The following ADK variants were observed in gnomAD, a reference collection of about 807,000 sequenced individuals.
The protein encoded by ADK is N6,N6-dimethyladenosine kinase.
ADK carries 24 observed loss-of-function variants against 44.7 expected under a neutral mutation model. That is an observed-to-expected ratio of 0.54 (90% CI 0.39 to 0.76). ADK has a LOEUF of 0.76. Among genes scored for constraint, ADK ranks in the 30% least tolerant of loss-of-function variants. ADK has a pLI of 0.00. For synonymous variants in ADK, 128 were observed against 142.6 expected (o/e 0.90, Z 0.73); for missense variants, 321 against 425.1 (o/e 0.76, Z 2.15).
At chr10:74,658,659 G>A (rs1854583522) in intron 9 of ADK, among the ~76,000 whole-genome samples, 1 of 151,910 alleles carries the variant, frequency 6.6e-6, no homozygotes, top group South Asian at 2.1e-4. Context: ...AAACTCCTGG[G>A]CTCAAGCGAT....
At chr10:74,431,317 T>G (rs1345518474) in intron 6 of ADK, among the ~76,000 whole-genome samples, 2 of 152,138 alleles carry the variant, frequency 1.3e-5, no homozygotes, top group Admixed American at 1.3e-4. Flanking sequence ...TAGTAGGAAA[T>G]GTAGTTATCA....
At chr10:74,289,490 A>G (rs949207039) in intron 3 of ADK, among the ~76,000 whole-genome samples, 2 of 152,144 alleles carry the variant, frequency 1.3e-5, no homozygotes, top group Non-Finnish European at 2.9e-5. Context: ...AAGAAAGCTA[A>G]AACACTTAAA....
chr10:74,158,528 A>G (rs1841814863), intron 1 of ADK, among the ~76,000 whole-genome samples: 1 of 152,322 alleles, frequency 6.6e-6, no homozygotes, highest in Admixed American at 6.5e-5. Context: ...ACACAAATGT[A>G]TATGCTTTGC....
chr10:74,242,687 G>A (rs1446665089), intron 3 of ADK, among the ~76,000 whole-genome samples: 1 of 152,138 alleles, frequency 6.6e-6, no homozygotes, highest in Non-Finnish European at 1.5e-5. Flanking sequence ...GTCCTGATTG[G>A]TTCTTTCTGA....
chr10:74,631,335 C>T (rs566260842), intron 9 of ADK, among the ~76,000 whole-genome samples: 173 of 150,470 alleles, frequency 1.1e-3, no homozygotes, highest in Middle Eastern at 3.5e-3. Flanking sequence ...AGTGCAATGG[C>T]GCAACCTCAG....
chr10:74,707,254 T>C (rs111654980), intron 10 of ADK, among the ~76,000 whole-genome samples: 3,707 of 152,232 alleles, frequency 0.024, 153 homozygotes, highest in African/African-American at 0.084. Flanking sequence ...CATGCTGGTC[T>C]CAAACTCCTG....
intron 10 of ADK, among the ~76,000 whole-genome samples, chr10:74,671,516 A>G (rs1389915995): frequency 6.6e-6 from 1 of 152,138 alleles, no homozygotes; most frequent in Non-Finnish European, 1.5e-5. Context: ...CACTGTTATG[A>G]TTGTGTTTTT....
intron 9 of ADK, among the ~76,000 whole-genome samples, chr10:74,602,337 T>C (rs1456478680): frequency 6.6e-6 from 1 of 152,122 alleles, no homozygotes; most frequent in African/African-American, 2.4e-5. Context: ...CAGTGGACAG[T>C]TTAGAAAAGT....
intron 4 of ADK, among the ~76,000 whole-genome samples, chr10:74,387,110 C>T (rs1843170937): frequency 6.6e-6 from 1 of 152,048 alleles, no homozygotes; most frequent in African/African-American, 2.4e-5. Flanking sequence ...GTAATTATTG[C>T]ATTTTTAGTA....
At chr10:74,290,229 G>A (rs1847358376) in intron 3 of ADK, among the ~76,000 whole-genome samples, 1 of 151,920 alleles carries the variant, frequency 6.6e-6, no homozygotes, top group Admixed American at 6.6e-5. Context: ...TTGTCAGCCT[G>A]CTTCTTTATA....
intron 6 of ADK, 96 bp from the exon 7 acceptor site, chr10:74,525,160 A>G (rs1848987749): frequency 2.5e-6 from 3 of 1,211,902 alleles, no homozygotes; most frequent in Middle Eastern, 2.0e-4. Context: ...ATTGTATTTT[A>G]TATACTTTTG....
chr10:74,497,730 C>T (rs1324983519), intron 6 of ADK, among the ~76,000 whole-genome samples: 1 of 152,134 alleles, frequency 6.6e-6, no homozygotes, highest in Admixed American at 6.5e-5. Context: ...GCTTGGGAGG[C>T]AGAGACAGGA....
In ADK at chr10:74,391,541, A is replaced by G. The variant is rs1843328714; in HGVS notation, c.274-2600A>G. The stretch of plus-strand genomic sequence containing the variant: ...AATATATGTATATAGTATAGTATCT[A>G]TACTAAAAGAATATATATGGTTGAG... On this transcript the variant is annotated intron_variant, in intron 4 of 10. Coordinates refer to ENST00000539909, the MANE Select transcript of ADK (RefSeq NM_006721.4). Among the ~76,000 whole-genome samples the G allele has an allele frequency of 2.6e-5, 4 of 151,892 alleles. No homozygotes were observed. In the South Asian group the frequency reaches 6.2e-4, roughly 24 times the overall value.
At chr10:74,170,724 T>C (rs1482312282) in intron 1 of ADK, among the ~76,000 whole-genome samples, 1 of 146,494 alleles carries the variant, frequency 6.8e-6, no homozygotes, top group Non-Finnish European at 1.5e-5. Flanking sequence ...GGCGTGAATC[T>C]GGGAGGCTGA....
At position 74,231,602 on chromosome 10, in the gene ADK, A is replaced by G. The variant is rs569784202; in HGVS notation, c.194+7011A>G. Among the ~76,000 whole-genome samples, 62 of 150,270 alleles carry G rather than the reference A, an allele frequency of 4.1e-4. 1 individual carries two copies. The highest frequency in any genetic ancestry group is 7.1e-4 in the Non-Finnish European group (48 of 67,530). ...CCCATCAGCCTCCTGAGTATCTGGG[A>G]CTACCACTGTGCACCACCACACCTG... On this transcript the variant is annotated intron_variant, in intron 3 of 10. Coordinates refer to ENST00000539909, the MANE Select transcript of ADK (RefSeq NM_006721.4).
At chr10:74,312,252 G>A (rs1417674153) in intron 3 of ADK, among the ~76,000 whole-genome samples, 1 of 152,036 alleles carries the variant, frequency 6.6e-6, no homozygotes, top group South Asian at 2.1e-4. Context: ...AACGGCCAAA[G>A]CACTCATGAA....
intron 4 of ADK, 110 bp downstream of exon 4, chr10:74,314,855 A>G (rs1840561913): frequency 1.2e-6 from 1 of 847,126 alleles, no homozygotes; most frequent in Non-Finnish European, 1.9e-6. Flanking sequence ...AGTTTTGTTC[A>G]TTTGAATTGG....
At chr10:74,427,323 C>T (rs1262927855) in intron 6 of ADK, among the ~76,000 whole-genome samples, 3 of 152,066 alleles carry the variant, frequency 2.0e-5, no homozygotes, top group South Asian at 2.1e-4. Flanking sequence ...CTCAGCTTCC[C>T]GAGTAGCTGG....
At chr10:74,676,665 C>T (rs372454236) in intron 10 of ADK, among the ~76,000 whole-genome samples, 1 of 151,956 alleles carries the variant, frequency 6.6e-6, no homozygotes, top group Non-Finnish European at 1.5e-5. Flanking sequence ...CACTCTGTTA[C>T]CCAGTCTGGT....
Sources: allele counts gnomAD v4.1 joint callset (sites outside exome capture counted in the v4.1 genomes callset), GRCh38; gene constraint gnomAD v4.1.1; transcripts MANE v1.5; gene names NCBI Gene and HGNC (gene_info 2026-07-23, HGNC 2026-07-21).